The following SV2C variants were observed in gnomAD, a reference collection of about 807,000 sequenced individuals.
SV2C encodes synaptic vesicle glycoprotein 2C.
A neutral mutation model predicts 79.7 loss-of-function variants in SV2C; 49 were observed. That is an observed-to-expected ratio of 0.61 (90% CI 0.49 to 0.78). The LOEUF (loss-of-function observed/expected upper bound fraction) is 0.78, where lower values mean the gene tolerates loss of function less well. Ranked by LOEUF, SV2C falls within the 30% of genes least tolerant of loss-of-function variation. SV2C has a pLI of 0.00. For synonymous variants in SV2C, 334 were observed against 333.2 expected (o/e 1.00, Z -0.03); for missense variants, 833 against 912.9 (o/e 0.91, Z 1.13).
the SV2C span, among the ~76,000 whole-genome samples, chr5:75,861,525 A>G: frequency 1.3e-5 from 2 of 152,224 alleles, no homozygotes; most frequent in East Asian, 1.9e-4. Context: ...ATGCACTCAT[A>G]TGTTCAGCAC....
At chr5:76,321,276 T>C (rs1212152977) in intron 12 of SV2C, among the ~76,000 whole-genome samples, 1 of 148,938 alleles carries the variant, frequency 6.7e-6, no homozygotes, top group Non-Finnish European at 1.5e-5. Context: ...TTGCCCCTTA[T>C]AAGATGCATT....
At chr5:75,904,550 A>G in the SV2C span, among the ~76,000 whole-genome samples, 3 of 152,190 alleles carry the variant, frequency 2.0e-5, no homozygotes, top group Non-Finnish European at 4.4e-5. Flanking sequence ...CGTCAAGAAC[A>G]AATTTATCTG....
intron 2 of SV2C, among the ~76,000 whole-genome samples, chr5:76,139,839 T>C (rs1215793023): frequency 1.3e-5 from 1 of 78,392 alleles, no homozygotes; most frequent in African/African-American, 3.5e-5. Flanking sequence ...TTTCCATTTT[T>C]AGAAGCTCTT....
At chr5:75,909,794 A>G in the SV2C span, among the ~76,000 whole-genome samples, 130 of 152,290 alleles carry the variant, frequency 8.5e-4, 2 homozygotes, top group East Asian at 0.023. Context: ...CCAACTTCCA[A>G]AATAATACAT....
chr5:76,089,533 G>T (rs1375799297), intron 1 of SV2C, among the ~76,000 whole-genome samples: 1 of 152,100 alleles, frequency 6.6e-6, no homozygotes, highest in Non-Finnish European at 1.5e-5. Context: ...TATTCCTTTG[G>T]TTATATACCC....
At chr5:75,939,871 T>G in the SV2C span, among the ~76,000 whole-genome samples, 1 of 152,168 alleles carries the variant, frequency 6.6e-6, no homozygotes, top group African/African-American at 2.4e-5. Flanking sequence ...CCTCCCCATC[T>G]TCACCTGGCT....
At chr5:75,862,498 C>T in the SV2C span, among the ~76,000 whole-genome samples, 5 of 152,290 alleles carry the variant, frequency 3.3e-5, no homozygotes, top group South Asian at 4.1e-4. Context: ...GCTGAATGTC[C>T]TTTAGCCTAT....
intron 2 of SV2C, among the ~76,000 whole-genome samples, chr5:76,183,740 G>T (rs141704014): frequency 1.4e-3 from 208 of 152,092 alleles, no homozygotes; most frequent in African/African-American, 4.6e-3. Flanking sequence ...CTCTTGGTGT[G>T]CTATGCTCTG....
the SV2C span, among the ~76,000 whole-genome samples, chr5:75,885,424 T>G: frequency 6.6e-6 from 1 of 152,120 alleles, no homozygotes; most frequent in African/African-American, 2.4e-5. Flanking sequence ...CAGGCAGATT[T>G]GCTAGCAGTC....
chr5:76,069,983 G>A, the SV2C span, among the ~76,000 whole-genome samples: 1 of 152,102 alleles, frequency 6.6e-6, no homozygotes, highest in African/African-American at 2.4e-5. Flanking sequence ...GCCCCTTTGG[G>A]TTGACACCTG....
chr5:76,223,811 A>T (rs1450046957), intron 4 of SV2C, among the ~76,000 whole-genome samples: 1 of 152,100 alleles, frequency 6.6e-6, no homozygotes, highest in East Asian at 1.9e-4. Context: ...TGGCTTAAAC[A>T]GCAGAAATTT....
In SV2C at chr5:76,169,592, C is replaced by T. The variant is rs114099902; in HGVS notation, c.581-25327C>T. ...CGGGAATCCATCAACTGCATCAAAC[C>T]TTCCCCAATTAACAAAAGCTTGGGT... On this transcript the variant is annotated intron_variant, in intron 2 of 12. Transcript: ENST00000502798. 3.8e-3 allele frequency among the ~76,000 whole-genome samples: 586 copies of T among 152,316 alleles called. 2 individuals carry two copies. Among genetic ancestry groups the T allele is most frequent in the Non-Finnish European group, 7.8e-3 (533 of 68,032 alleles).
chr5:76,312,253 T>C (rs58573813), intron 12 of SV2C, among the ~76,000 whole-genome samples: 186 of 143,038 alleles, frequency 1.3e-3, no homozygotes, highest in African/African-American at 4.7e-3. Context: ...CAGGGGCCAC[T>C]TTTTTTTTTT....
chr5:75,994,296 G>A, the SV2C span, among the ~76,000 whole-genome samples: 1 of 152,086 alleles, frequency 6.6e-6, no homozygotes, highest in Non-Finnish European at 1.5e-5. Context: ...ACTTTCCCAT[G>A]TCCCTGGAGG....
At chr5:76,092,295 T>A (rs1034722392) in intron 1 of SV2C, among the ~76,000 whole-genome samples, 2 of 152,204 alleles carry the variant, frequency 1.3e-5, no homozygotes, top group Admixed American at 6.5e-5. Context: ...AATATTAATT[T>A]CAATATACAC....
chr5:75,971,529 T>A, the SV2C span, among the ~76,000 whole-genome samples: 1 of 151,920 alleles, frequency 6.6e-6, no homozygotes, highest in Non-Finnish European at 1.5e-5. Context: ...TATACACCAA[T>A]AACAGACAAA....
intron 1 of SV2C, among the ~76,000 whole-genome samples, chr5:76,102,420 C>A (rs915628925): frequency 1.3e-5 from 2 of 152,112 alleles, no homozygotes; most frequent in Non-Finnish European, 2.9e-5. Flanking sequence ...CCTTAGGCAC[C>A]CTTCCAATGT....
the SV2C span, among the ~76,000 whole-genome samples, chr5:76,061,102 A>G: frequency 3.9e-5 from 6 of 151,938 alleles, no homozygotes; most frequent in Non-Finnish European, 8.8e-5. Context: ...GTAACATCGA[A>G]GATCACTGAT....
the SV2C span, among the ~76,000 whole-genome samples, chr5:75,901,294 C>G: frequency 2.0e-5 from 3 of 152,160 alleles, no homozygotes; most frequent in African/African-American, 7.2e-5. Context: ...TGTTAGTTTT[C>G]CTTCTAACAG....
Sources: gnomAD v4.1 joint callset for allele counts (sites outside exome capture counted in the v4.1 genomes callset) on GRCh38, gnomAD v4.1.1 for gene constraint, MANE v1.5 for transcripts, NCBI Gene and HGNC (gene_info 2026-07-23, HGNC 2026-07-21) for gene names.